Variants in SESN2 observed in about 807,000 individuals in gnomAD.
The protein encoded by SESN2 is sestrin 2, also known as sestrin-2.
Under a neutral mutation model 56.0 loss-of-function variants are expected in SESN2, and 42 were observed. The observed-to-expected ratio is 0.75, with a 90% confidence interval of 0.59 to 0.97. The LOEUF is 0.97. Among genes scored for constraint, SESN2 ranks in the 50% least tolerant of loss-of-function variants. SESN2 has a pLI of 0.00. For synonymous variants in SESN2, 264 were observed against 267.1 expected (o/e 0.99, Z 0.11); for missense variants, 507 against 649.4 (o/e 0.78, Z 2.38).
chr1:28,276,147 AAAAT>A (rs1232274641), intron 8 of SESN2, among the ~76,000 whole-genome samples: 3 of 151,972 alleles, frequency 2.0e-5, no homozygotes, highest in Admixed American at 6.6e-5. Context: ...ACGCTATCTC[AAAAT>A]AAATAAATAA....
At chr1:28,260,749 G>T (rs1051059826) in intron 1 of SESN2, among the ~76,000 whole-genome samples, 1 of 140,284 alleles carries the variant, frequency 7.1e-6, no homozygotes, top group East Asian at 2.3e-4. Context: ...CAGGGGCTTT[G>T]CAGGGAGACC....
At chr1:28,277,419 T>C (rs994475804) in intron 8 of SESN2, among the ~76,000 whole-genome samples, 1 of 152,142 alleles carries the variant, frequency 6.6e-6, no homozygotes, top group African/African-American at 2.4e-5. Flanking sequence ...TTTCACCATG[T>C]TGGACAGGCT....
intron 9 of SESN2, among the ~76,000 whole-genome samples, chr1:28,279,569 T>C (rs887416742): frequency 1.3e-5 from 2 of 151,920 alleles, no homozygotes; most frequent in South Asian, 2.1e-4. Flanking sequence ...TTTTTTGAGA[T>C]GAGTCTCCCT....
intron 1 of SESN2, 68 bp downstream of exon 1, chr1:28,260,005 C>T (rs1481377185): frequency 4.8e-6 from 6 of 1,238,428 alleles, no homozygotes; most frequent in East Asian, 6.0e-5. Flanking sequence ...TCAGGCTGTC[C>T]GGAGCTGAGT....
At position 28,259,631 on chromosome 1, in the gene SESN2, C is replaced by T. The variant is rs993535907; in HGVS notation, c.-217C>T. On this transcript the variant is annotated 5_prime_UTR_variant, in exon 1 of 10. Coordinates refer to ENST00000253063, the MANE Select transcript of SESN2 (RefSeq NM_031459.5). Reference sequence around the variant, plus strand: ...TGCGCTGCGGCCCTTCCCAGGCCCCCGAGGCCGTTCGCCGTTCCCGAAGCC... The same window carrying T: ...TGCGCTGCGGCCCTTCCCAGGCCCCTGAGGCCGTTCGCCGTTCCCGAAGCC... The T allele has an allele frequency of 1.4e-5, 6 of 444,136 alleles. No homozygotes were observed. Among genetic ancestry groups the T allele is most frequent in the African/African-American group, 8.2e-5 (4 of 48,686 alleles). The allele number at this position is 444,136 out of a possible 1,614,324, so 27.5% of individuals were successfully genotyped here.
rs1193913574 is a variant in SESN2 at position 28,259,939 on chromosome 1, T to C, written c.90+2T>C. The C allele has an allele frequency of 2.7e-6, 4 of 1,497,522 alleles. No homozygotes were observed. Among genetic ancestry groups the C allele is most frequent in the Non-Finnish European group, 3.5e-6 (4 of 1,129,514 alleles). The allele number at this position is 1,497,522 out of a possible 1,614,324, so 92.8% of individuals were successfully genotyped here. A position where few individuals can be genotyped will look rare whatever the true frequency, so the allele number is the denominator to read the frequency against. The stretch of plus-strand genomic sequence containing the variant: ...GTCGGCGACTCGGGCCCCGGAGAGG[T>C]AAGCGGCGGCCGCGCGACGCCCCTC... On this transcript the variant is annotated splice_donor_variant, in intron 1 of 9. Transcript: ENST00000253063. LOFTEE classifies it high-confidence loss of function.
chr1:28,269,742 T>TA (rs905725681), intron 2 of SESN2, among the ~76,000 whole-genome samples: 12 of 152,372 alleles, frequency 7.9e-5, no homozygotes, highest in African/African-American at 2.6e-4. Flanking sequence ...AGCCAATACT[T>TA]ACTTTCAGTA....
At chr1:28,273,265 A>T in intron 5 of SESN2, 93 bp from the exon 6 acceptor site, 1 of 1,275,668 alleles carries the variant, frequency 7.8e-7, no homozygotes, top group Non-Finnish European at 1.1e-6. Flanking sequence ...CTTTGTGAGC[A>T]TTAGGAAGGC....
At chr1:28,265,280 G>C (rs553931694) in intron 1 of SESN2, among the ~76,000 whole-genome samples, 2 of 152,174 alleles carry the variant, frequency 1.3e-5, no homozygotes, top group African/African-American at 2.4e-5. Context: ...TGTCAGGATC[G>C]GGGAAGCATT....
chr1:28,280,718 C>G lies in SESN2; in HGVS notation c.1359C>G (p.Val453=). 1 of 1,612,726 alleles carries G rather than the reference C, an allele frequency of 6.2e-7. No homozygotes were observed. The highest frequency in any genetic ancestry group is 2.2e-5 in the East Asian group (1 of 44,880). Reference sequence around the variant, plus strand: ...ACATGCCTTCCTCTGTGCCCCAGGTCCACGTGAACTTGCTGCTCCTGGAGG... The same window carrying G: ...ACATGCCTTCCTCTGTGCCCCAGGTGCACGTGAACTTGCTGCTCCTGGAGG... The part of the protein sequence containing the change: ...FWRHFRHSEK[V]HVNLLLLEAR... The change falls in exon 10 of 10, where the codon GTC becomes GTG. Residue 453 remains valine, a splice_region_variant and synonymous_variant. Coordinates refer to ENST00000253063, the MANE Select transcript of SESN2 (RefSeq NM_031459.5).
intron 1 of SESN2, among the ~76,000 whole-genome samples, chr1:28,264,936 T>C (rs1296332608): frequency 1.3e-5 from 2 of 152,184 alleles, no homozygotes; most frequent in Non-Finnish European, 2.9e-5. Flanking sequence ...CTGGAGACTA[T>C]TGAGACCTTG....
chr1:28,280,594 C>T, intron 9 of SESN2, 122 bp from the exon 10 acceptor site: 3 of 754,132 alleles, frequency 4.0e-6, no homozygotes, highest in East Asian at 2.5e-5. Context: ...TTAGCAGATG[C>T]TGGGGCAGCT....
At chr1:28,276,946 G>A (rs986138367) in intron 8 of SESN2, among the ~76,000 whole-genome samples, 2 of 142,626 alleles carry the variant, frequency 1.4e-5, no homozygotes, top group Non-Finnish European at 3.0e-5. Flanking sequence ...TCGCTCTGTT[G>A]CCCAGGCTGG....
intron 1 of SESN2, 49 bp downstream of exon 1, chr1:28,259,986 G>C: frequency 7.2e-7 from 1 of 1,381,234 alleles, no homozygotes. Context: ...CCCGAACCGC[G>C]TCTGAGCCTC....
At chr1:28,274,780 G>T in intron 7 of SESN2, 45 bp from the exon 8 acceptor site, 1 of 1,490,778 alleles carries the variant, frequency 6.7e-7, no homozygotes, top group Non-Finnish European at 9.2e-7. Context: ...TCTCTGGCTG[G>T]TCTTGGGCTC....
At chr1:28,264,978 A>G (rs1441328822) in intron 1 of SESN2, among the ~76,000 whole-genome samples, 1 of 152,204 alleles carries the variant, frequency 6.6e-6, no homozygotes, top group Admixed American at 6.5e-5. Context: ...TCATTTCTGC[A>G]CTTGCAGAAA....
chr1:28,260,388 A>C (rs1020931711), intron 1 of SESN2, among the ~76,000 whole-genome samples: 1 of 151,390 alleles, frequency 6.6e-6, no homozygotes, highest in Non-Finnish European at 1.5e-5. Flanking sequence ...CGGGCAGAGG[A>C]CCCTTCCTGG....
intron 1 of SESN2, among the ~76,000 whole-genome samples, chr1:28,264,056 C>T (rs1647473937): frequency 7.1e-6 from 1 of 140,758 alleles, no homozygotes; most frequent in Non-Finnish European, 1.5e-5. Context: ...GAGACCTCAT[C>T]TCTATTTAAA....
chr1:28,268,917 T>C (rs1647657903), intron 1 of SESN2, among the ~76,000 whole-genome samples: 1 of 152,142 alleles, frequency 6.6e-6, no homozygotes, highest in Non-Finnish European at 1.5e-5. Context: ...TATAGTTCCT[T>C]TTCCAGGACC....
Sources: allele counts gnomAD v4.1 joint callset (sites outside exome capture counted in the v4.1 genomes callset), GRCh38; gene constraint gnomAD v4.1.1; transcripts MANE v1.5; gene names NCBI Gene and HGNC (gene_info 2026-07-23, HGNC 2026-07-21).